Variants in LRRN4 observed in about 807,000 individuals in gnomAD.
LRRN4 encodes the protein leucine-rich repeat neuronal protein 4.
In LRRN4, 26 loss-of-function variants were observed where a neutral mutation model predicts 22.3. The observed-to-expected ratio is 1.16, with a 90% CI of 0.85 to 1.62. The LOEUF (loss-of-function observed/expected upper bound fraction) is 1.62, where lower values mean the gene tolerates loss of function less well. Among genes scored for constraint, LRRN4 ranks in the 40% most tolerant of loss-of-function variants. LRRN4 has a pLI of 0.00. For synonymous variants in LRRN4, 496 were observed against 486.2 expected, an observed-to-expected ratio of 1.02 and a Z score of -0.26; for missense variants, 1,070 against 1,008.5, an observed-to-expected ratio of 1.06 and a Z score of -0.83.
Position 6,050,656 on chromosome 20 carries a change from C to T in LRRN4, c.860+123G>A, listed in dbSNP as rs368831179. On this transcript the variant is annotated intron_variant, in intron 3 of 4. Coordinates refer to ENST00000378858, the MANE Select transcript of LRRN4 (RefSeq NM_152611.5). ...CCCAAAGGGTGGGGGAAAACAAAGC[C>T]CCAGAGAGGATTTGGAAGAGTAGTG... 2.1e-5 allele frequency: 21 copies of T among 995,690 alleles called. No individual in the cohort carries two copies. In the African/African-American group the frequency reaches 3.2e-4, roughly 15 times the overall value. The allele number at this position is 995,690 out of a possible 1,614,324, so 61.7% of individuals were successfully genotyped here. A position where few individuals can be genotyped will look rare whatever the true frequency, so the allele number is the denominator to read the frequency against.
rs371021952 is a variant in LRRN4, at chr20:6,042,690, G to A, written c.999-444C>T. ...AATCTCAGCACTTTGGGAAGCTGAG[G>A]CGGGCAGATCACAAGGTCAGGAGGT... On this transcript the variant is annotated intron_variant, in intron 4 of 4. Coordinates refer to ENST00000378858, the MANE Select transcript of LRRN4 (RefSeq NM_152611.5). Among the ~76,000 whole-genome samples, 55 of 152,248 alleles carry A rather than the reference G, an allele frequency of 3.6e-4. 1 individual carries two copies. In the South Asian group the frequency reaches 0.011, roughly 32 times the overall value.
At chr20:6,051,482 T>C (rs1981244842) in intron 2 of LRRN4, among the ~76,000 whole-genome samples, 1 of 152,146 alleles carries the variant, frequency 6.6e-6, no homozygotes, top group Non-Finnish European at 1.5e-5. Flanking sequence ...ATTCTAGCTG[T>C]TTTTTCTCTT....
intron 3 of LRRN4, among the ~76,000 whole-genome samples, chr20:6,047,142 C>T (rs974789887): frequency 6.6e-6 from 1 of 152,046 alleles, no homozygotes; most frequent in Non-Finnish European, 1.5e-5. Context: ...CCAGTGCCAC[C>T]TACACGTGAT....
chr20:6,053,368 C>A (rs1185852326), intron 1 of LRRN4, among the ~76,000 whole-genome samples: 1 of 152,130 alleles, frequency 6.6e-6, no homozygotes, highest in Non-Finnish European at 1.5e-5. Flanking sequence ...TTCTTGGCAG[C>A]ATGCTCAGGG....
In LRRN4 at chr20:6,040,712, A is replaced by C; in HGVS notation, c.*310T>G. On this transcript the variant is annotated 3_prime_UTR_variant, in exon 5 of 5. Coordinates refer to ENST00000378858, the MANE Select transcript of LRRN4 (RefSeq NM_152611.5). ...CCTTCCTACGTCCATACACTATTCT[A>C]CTGGATAGAGAGGCACTGACTGCTG... The C allele has an allele frequency of 2.5e-6, 1 of 397,922 alleles. No homozygotes were observed. Among genetic ancestry groups the C allele is most frequent in the Non-Finnish European group, 4.6e-6 (1 of 217,594 alleles). 24.6% of individuals were successfully genotyped at this position (397,922 alleles called of 1,614,324 possible). A position where few individuals can be genotyped will look rare whatever the true frequency, so the allele number is the denominator to read the frequency against.
Position 6,041,446 on chromosome 20 carries a change from C to A in LRRN4, c.1799G>T (p.Trp600Leu). Residue 600 changes from tryptophan to leucine, a missense_variant, in exon 5 of 5, where the codon TGG becomes TTG. By Grantham distance (61) the Trp-to-Leu change is moderately conservative (BLOSUM62 -2). Coordinates refer to ENST00000378858, the MANE Select transcript of LRRN4 (RefSeq NM_152611.5). This position sits in a 1 kb window ranked among gnomAD's most constrained non-coding sequence, Gnocchi z 9.4. ...ETTDTSALVH[W>L]CAPNSVVHGY... ...ATGCACTACCGAGTTGGGGGCACACCAGTGGACCAGCGCCGACGTGTCCGT... is the reference window on the plus strand; with the variant it reads ...ATGCACTACCGAGTTGGGGGCACACAAGTGGACCAGCGCCGACGTGTCCGT... The A allele has an allele frequency of 6.4e-7, 1 of 1,554,928 alleles. No individual in the cohort carries two copies. The highest frequency in any genetic ancestry group is 8.7e-7 in the Non-Finnish European group (1 of 1,148,836).
intron 3 of LRRN4, among the ~76,000 whole-genome samples, chr20:6,046,789 C>T (rs1306471310): frequency 6.7e-6 from 1 of 148,938 alleles, no homozygotes; most frequent in Non-Finnish European, 1.5e-5. Context: ...TATATTAAAA[C>T]TTAAGCCATA....
Position 6,041,864 on chromosome 20 carries a change from G to A in LRRN4, c.1381C>T (p.His461Tyr), listed in dbSNP as rs759861438. Residue 461 changes from histidine (H) to tyrosine (Y), a missense_variant, in exon 5 of 5, where the codon CAT becomes TAT. Coordinates refer to ENST00000378858, the MANE Select transcript of LRRN4 (RefSeq NM_152611.5). This position sits in a 1 kb window ranked among gnomAD's most constrained non-coding sequence, Gnocchi z 9.4. ...STTRTQHRGE[H>Y]APELVLEPDI... The stretch of plus-strand genomic sequence containing the variant: ...GGCTCAAGGACAAGCTCGGGGGCAT[G>A]TTCTCCTCGGTGCTGGGTCCTGGTG... 1 of 1,614,180 alleles carries A rather than the reference G, an allele frequency of 6.2e-7. No individual in the cohort carries two copies. The highest frequency in any genetic ancestry group is 2.2e-5 in the East Asian group (1 of 44,876).
chr20:6,042,541 C>A (rs1980995252), intron 4 of LRRN4, among the ~76,000 whole-genome samples: 1 of 152,182 alleles, frequency 6.6e-6, no homozygotes, highest in African/African-American at 2.4e-5. Context: ...CCGGGGCAAG[C>A]ACTGAGAAGG....
chr20:6,046,729 T>C lies in LRRN4; in HGVS notation c.861-2049A>G, dbSNP rs1195237948. On this transcript the variant is annotated intron_variant, in intron 3 of 4. Transcript: ENST00000378858. ...CATCTGCTCTATCACTTCTGGCCAGTAGGAAAGTGACAGTCACCCCTGGGA... is the reference window on the plus strand; with the variant it reads ...CATCTGCTCTATCACTTCTGGCCAGCAGGAAAGTGACAGTCACCCCTGGGA... Among the ~76,000 whole-genome samples the C allele has an allele frequency of 1.3e-5, 2 of 148,810 alleles. 1 individual carries two copies. The highest frequency in any genetic ancestry group is 3.0e-5 in the Non-Finnish European group (2 of 66,524).
intron 4 of LRRN4, 150 bp from the exon 5 acceptor site, chr20:6,042,396 A>C: frequency 2.4e-6 from 2 of 835,544 alleles, no homozygotes; most frequent in Non-Finnish European, 3.6e-6. Context: ...GCACACACAC[A>C]TCACCTCATT....
intron 3 of LRRN4, among the ~76,000 whole-genome samples, chr20:6,048,709 G>A (rs1415830549): frequency 2.0e-5 from 3 of 152,194 alleles, no homozygotes; most frequent in Non-Finnish European, 2.9e-5. Context: ...TCCCCTGGAT[G>A]CCTCATAGAT....
intron 4 of LRRN4, among the ~76,000 whole-genome samples, chr20:6,042,821 A>G (rs1981002508): frequency 1.3e-5 from 2 of 150,902 alleles, no homozygotes; most frequent in South Asian, 4.2e-4. Flanking sequence ...CAGGAGGCAG[A>G]GGCAGGAGAA....
intron 4 of LRRN4, among the ~76,000 whole-genome samples, chr20:6,043,564 G>C (rs181426241): frequency 8.9e-4 from 135 of 152,190 alleles, no homozygotes; most frequent in Middle Eastern, 3.4e-3. Flanking sequence ...TGTGGGGTTG[G>C]GGGGCAGACT....
At position 6,050,841 on chromosome 20, in the gene LRRN4, A is replaced by T; in HGVS notation, c.798T>A (p.Leu266=). The part of the protein sequence containing the change: ...QQLDCQDSPA[L]ASVATHIFQD... ...GAAAGATGTGTGTGGCGACAGAAGC[A>T]AGTGCTGGGGAGTCCTGACAGTCCA... The change falls in exon 3 of 5, where the codon CTT becomes CTA. Residue 266 remains leucine (L), a synonymous_variant. Transcript: ENST00000378858. 1 of 1,613,922 alleles carries T rather than the reference A, an allele frequency of 6.2e-7. No individual in the cohort carries two copies. Among genetic ancestry groups the T allele is most frequent in the Non-Finnish European group, 8.5e-7 (1 of 1,179,938 alleles).
At position 6,041,699 on chromosome 20, in the gene LRRN4, CG is replaced by C. The variant is rs1980957849; in HGVS notation, c.1545del (p.Glu516ArgfsTer73). ...ATPQAPNPSL[S>X]EGEIPVLLLD... ...AGCAGCAAGACTGGAATCTCGCCCT[CG>C]GAAAGACTCGGGTTGGGGGCTTGGG... On this transcript the variant is annotated frameshift_variant, in exon 5 of 5. Coordinates refer to ENST00000378858, the MANE Select transcript of LRRN4 (RefSeq NM_152611.5). LOFTEE classifies it low-confidence loss of function (END_TRUNC). The surrounding 1 kb of genome is among the most constrained non-coding windows in gnomAD (Gnocchi z 9.4). 1 of 1,613,226 alleles carries C rather than the reference CG, an allele frequency of 6.2e-7. No homozygotes were observed. Among genetic ancestry groups the C allele is most frequent in the African/African-American group, 1.3e-5 (1 of 75,052 alleles).
intron 4 of LRRN4, among the ~76,000 whole-genome samples, chr20:6,042,938 T>A (rs997401735): frequency 8.3e-5 from 10 of 120,374 alleles, no homozygotes; most frequent in Non-Finnish European, 9.0e-5. Flanking sequence ...AAAAAAAAAA[T>A]ACTCATACTA....
chr20:6,052,472 G>T lies in LRRN4; in HGVS notation c.328C>A (p.Arg110Ser), dbSNP rs1395334403. 5.1e-6 allele frequency: 8 copies of T among 1,567,732 alleles called. No individual in the cohort carries two copies. Among genetic ancestry groups the T allele is most frequent in the Non-Finnish European group, 6.9e-6 (8 of 1,165,880 alleles). ...QLQVLTLRHN[R>S]IAALRWGPGG... ...GGGCCCCAGCGCAGCGCGGCGATGCGGTTGTGGCGCAGGGTCAGCACCTGC... is the reference window on the plus strand; with the variant it reads ...GGGCCCCAGCGCAGCGCGGCGATGCTGTTGTGGCGCAGGGTCAGCACCTGC... Residue 110 changes from arginine to serine, a missense_variant, in exon 2 of 5, where the codon CGC (arginine) becomes AGC (serine). Transcript: ENST00000378858.
rs1255554796 is a variant in LRRN4, at chr20:6,052,324, C to G, written c.476G>C (p.Arg159Pro). The G allele has an allele frequency of 6.6e-7, 1 of 1,514,246 alleles. No individual in the cohort carries two copies. The highest frequency in any genetic ancestry group is 8.8e-7 in the Non-Finnish European group (1 of 1,138,022). The allele number at this position is 1,514,246 out of a possible 1,614,324, so 93.8% of individuals were successfully genotyped here. A position where few individuals can be genotyped will look rare whatever the true frequency, so the allele number is the denominator to read the frequency against. ...RALALAGNPL[R>P]ALQPRAFACF... ...GGCGAAGGCCCGGGGCTGCAGCGCC[C>G]GCAGCGGATTCCCGGCGAGCGCCAG... is the stretch of plus-strand genomic sequence containing the variant. Residue 159 changes from arginine to proline, a missense_variant, in exon 2 of 5, where the codon CGG becomes CCG. Arg to Pro is a moderately radical substitution (Grantham distance 103, BLOSUM62 -2). Coordinates refer to ENST00000378858, the MANE Select transcript of LRRN4 (RefSeq NM_152611.5).
Sources: allele counts gnomAD v4.1 joint callset (sites outside exome capture counted in the v4.1 genomes callset), GRCh38; gene constraint gnomAD v4.1.1; non-coding constraint Gnocchi (gnomAD v3.1); transcripts MANE v1.5; gene names NCBI Gene and HGNC (gene_info 2026-07-23, HGNC 2026-07-21).